Variants in GNG4 observed in about 807,000 individuals in gnomAD.
GNG4 encodes G protein subunit gamma 4.
Under a neutral mutation model 5.8 loss-of-function variants are expected in GNG4, and 4 were observed. The observed-to-expected ratio is 0.69, with a 90% CI of 0.34 to 1.57. The LOEUF is 1.57. Among genes scored for constraint, GNG4 ranks in the 40% most tolerant of loss-of-function variants. The pLI is 0.06. For missense variants in GNG4, 96 were observed against 95.1 expected, an observed-to-expected ratio of 1.01 and a Z score of -0.04; for synonymous variants, 29 against 32.9, an observed-to-expected ratio of 0.88 and a Z score of 0.41.
At chr1:235,597,292 T>C (rs1384950754) in intron 1 of GNG4, among the ~76,000 whole-genome samples, 2 of 152,266 alleles carry the variant, frequency 1.3e-5, no homozygotes, top group Non-Finnish European at 2.9e-5. Flanking sequence ...CTGGCTAAAA[T>C]GGAATCCAAA....
chr1:235,574,461 G>C (rs1037115669), intron 3 of GNG4, among the ~76,000 whole-genome samples: 1 of 152,122 alleles, frequency 6.6e-6, no homozygotes, highest in African/African-American at 2.4e-5. Context: ...CCCCTGAAAA[G>C]GATATGACTT....
intron 1 of GNG4, among the ~76,000 whole-genome samples, chr1:235,608,592 TC>T (rs1358462763): frequency 6.6e-6 from 1 of 152,192 alleles, no homozygotes; most frequent in East Asian, 1.9e-4. Context: ...ATTTACCCAT[TC>T]TGGACATTTC....
rs1657346612 is a variant in GNG4 at position 235,642,085 on chromosome 1, A to G, written c.-123+7577T>C. Among the ~76,000 whole-genome samples, 1 of 152,232 alleles carries G rather than the reference A, an allele frequency of 6.6e-6. No homozygotes were observed. The highest frequency in any genetic ancestry group is 1.5e-5 in the Non-Finnish European group (1 of 68,042). The stretch of plus-strand genomic sequence containing the variant: ...TTCCAACGTACAGTGCGGAAAAGCA[A>G]CATAACACACTAAGAACCGTGCGGA... On this transcript the variant is annotated intron_variant, in intron 1 of 3. Transcript: ENST00000391854. This position sits in a 1 kb window ranked among gnomAD's most constrained non-coding sequence, Gnocchi z 4.3.
At chr1:235,594,511 G>A (rs769547987) in intron 2 of GNG4, among the ~76,000 whole-genome samples, 14 of 152,312 alleles carry the variant, frequency 9.2e-5, no homozygotes, top group Middle Eastern at 3.4e-3. Flanking sequence ...GGCTCAGGCC[G>A]TGCAGGAGCC....
At chr1:235,597,105 T>C (rs572359712) in intron 1 of GNG4, among the ~76,000 whole-genome samples, 2 of 152,312 alleles carry the variant, frequency 1.3e-5, no homozygotes, top group African/African-American at 4.8e-5. Context: ...CCATCCTCCG[T>C]AACTGTGACT....
intron 2 of GNG4, among the ~76,000 whole-genome samples, chr1:235,585,632 C>A (rs1235691374): frequency 1.3e-5 from 2 of 152,144 alleles, no homozygotes; most frequent in Non-Finnish European, 2.9e-5. Flanking sequence ...TTTCTTAGAA[C>A]TACATACTAC....
chr1:235,637,309 AC>A (rs1187816291), intron 1 of GNG4, among the ~76,000 whole-genome samples: 1 of 152,166 alleles, frequency 6.6e-6, no homozygotes, highest in East Asian at 1.9e-4. Flanking sequence ...AATTCCTCTG[AC>A]CACCTATTTC....
At chr1:235,583,021 G>A (rs562238448) in intron 3 of GNG4, among the ~76,000 whole-genome samples, 1 of 152,162 alleles carries the variant, frequency 6.6e-6, no homozygotes, top group Non-Finnish European at 1.5e-5. Context: ...AGATGCCCAG[G>A]TGAGACCTCT....
At chr1:235,573,615 A>G (rs1246498065) in intron 3 of GNG4, among the ~76,000 whole-genome samples, 7 of 151,824 alleles carry the variant, frequency 4.6e-5, no homozygotes, top group Non-Finnish European at 8.8e-5. Context: ...GTCTCTACTA[A>G]AAATACAAAA....
intron 1 of GNG4, among the ~76,000 whole-genome samples, chr1:235,609,872 C>CATT (rs1195855781): frequency 9.5e-4 from 144 of 151,528 alleles, no homozygotes; most frequent in African/African-American, 3.5e-3. Context: ...GAGACCCTGT[C>CATT]TCAAAAAAAG....
chr1:235,553,293 T>C (rs985830422), intron 3 of GNG4, among the ~76,000 whole-genome samples: 10 of 152,218 alleles, frequency 6.6e-5, no homozygotes, highest in African/African-American at 1.9e-4. Flanking sequence ...ATTTTGTTCA[T>C]GGTCTGTGTC....
chr1:235,564,910 T>C (rs1295064212), intron 3 of GNG4, among the ~76,000 whole-genome samples: 1 of 152,156 alleles, frequency 6.6e-6, no homozygotes, highest in African/African-American at 2.4e-5. Context: ...GGTCTTGATC[T>C]CTTGACCTGT....
intron 3 of GNG4, among the ~76,000 whole-genome samples, chr1:235,560,620 G>T (rs1205741198): frequency 6.6e-6 from 1 of 152,226 alleles, no homozygotes; most frequent in Non-Finnish European, 1.5e-5. Flanking sequence ...GGACAGAGAA[G>T]ATACTTGAGA....
chr1:235,573,496 G>A (rs548960504), intron 3 of GNG4, among the ~76,000 whole-genome samples: 11 of 152,088 alleles, frequency 7.2e-5, no homozygotes, highest in Admixed American at 2.0e-4. Flanking sequence ...TAGGACTCAC[G>A]GCCCGGTGCG....
intron 2 of GNG4, among the ~76,000 whole-genome samples, chr1:235,591,487 G>A (rs977610409): frequency 1.3e-5 from 2 of 152,244 alleles, no homozygotes; most frequent in African/African-American, 4.8e-5. Flanking sequence ...CGGAGGTCCT[G>A]CTTCCCCTAC....
chr1:235,559,187 T>G (rs1041757388), intron 3 of GNG4, among the ~76,000 whole-genome samples: 1 of 152,196 alleles, frequency 6.6e-6, no homozygotes, highest in African/African-American at 2.4e-5. Flanking sequence ...TTTGCCTGTT[T>G]CTCCTACTCC....
At chr1:235,580,366 AC>A (rs761960111) in intron 3 of GNG4, among the ~76,000 whole-genome samples, 2 of 152,196 alleles carry the variant, frequency 1.3e-5, no homozygotes, top group Non-Finnish European at 2.9e-5. Context: ...TTGTGAATGT[AC>A]CTAATACTGA....
intron 3 of GNG4, among the ~76,000 whole-genome samples, chr1:235,575,121 C>T (rs906802773): frequency 7.2e-5 from 11 of 152,170 alleles, no homozygotes; most frequent in Middle Eastern, 3.4e-3. Flanking sequence ...CACTGCGCCT[C>T]GCCACAATCT....
intron 1 of GNG4, chr1:235,615,083 A>C (rs559013710): frequency 6.6e-6 from 1 of 152,372 alleles, no homozygotes; most frequent in South Asian, 2.1e-4. Flanking sequence ...GGAGAACGAG[A>C]GAATGCATAG....
Sources: gnomAD v4.1 joint callset for allele counts (sites outside exome capture counted in the v4.1 genomes callset) on GRCh38, gnomAD v4.1.1 for gene constraint, Gnocchi (gnomAD v3.1) non-coding constraint, MANE v1.5 for transcripts, NCBI Gene and HGNC (gene_info 2026-07-23, HGNC 2026-07-21) for gene names.